The following TET3 variants were observed in gnomAD, a reference collection of about 807,000 sequenced individuals.
TET3 encodes tet methylcytosine dioxygenase 3.
A neutral mutation model predicts 141.4 loss-of-function variants in TET3; 19 were observed. The ratio of observed to expected loss-of-function variants is 0.13; its 90% CI spans 0.09 to 0.20. The LOEUF is 0.20. TET3 is among the 10% of genes least tolerant of loss of function. The pLI is 1.00. For synonymous variants in TET3, 1,043 were observed against 980.9 expected, an observed-to-expected ratio of 1.06 and a Z score of -1.18; for missense variants, 1,874 against 2,356.9, an observed-to-expected ratio of 0.80 and a Z score of 4.24.
intron 2 of TET3, chr2:74,002,787 A>G: frequency 1.8e-6 from 1 of 565,906 alleles, no homozygotes; most frequent in Non-Finnish European, 3.1e-6. Context: ...GATGCACCAG[A>G]GGAGGCCGGC....
intron 5 of TET3, 51 bp from the exon 6 acceptor site, chr2:74,080,447 T>G (rs1030414910): frequency 2.1e-5 from 32 of 1,538,382 alleles, no homozygotes; most frequent in Admixed American, 1.7e-4. Flanking sequence ...CAAAAGTTGT[T>G]CTCCTTTGGG....
intron 3 of TET3, among the ~76,000 whole-genome samples, chr2:74,014,546 C>T (rs1436718679): frequency 6.6e-6 from 1 of 152,106 alleles, no homozygotes; most frequent in East Asian, 1.9e-4. Flanking sequence ...CCACCAGGAC[C>T]TGTGGAATTT....
At chr2:73,992,183 G>A (rs1684360136) in intron 2 of TET3, among the ~76,000 whole-genome samples, 1 of 152,164 alleles carries the variant, frequency 6.6e-6, no homozygotes, top group Non-Finnish European at 1.5e-5. Context: ...GGTCCCTGTG[G>A]TGTCAGAAGA....
chr2:73,989,843 G>A (rs1558689777), intron 2 of TET3, among the ~76,000 whole-genome samples: 1 of 152,134 alleles, frequency 6.6e-6, no homozygotes, highest in African/African-American at 2.4e-5. Flanking sequence ...GGATAGGGCT[G>A]AGAACCCAGA....
chr2:74,031,800 T>TG, intron 3 of TET3, among the ~76,000 whole-genome samples: 1 of 152,206 alleles, frequency 6.6e-6, no homozygotes, highest in African/African-American at 2.4e-5. Context: ...AAGGATTGAG[T>TG]GGGGGCAAAC....
intron 4 of TET3, among the ~76,000 whole-genome samples, chr2:74,055,992 A>T (rs1352368691): frequency 2.0e-5 from 3 of 152,200 alleles, no homozygotes; most frequent in Non-Finnish European, 4.4e-5. Context: ...TAAATTACCC[A>T]GTTTCAGGTA....
At chr2:74,128,700 A>G in the TET3 span, among the ~76,000 whole-genome samples, 2 of 150,082 alleles carry the variant, frequency 1.3e-5, no homozygotes, top group African/African-American at 2.4e-5. Context: ...GACTATTAGA[A>G]AAAAAAAAAG....
chr2:74,017,787 A>G (rs1323154732), intron 3 of TET3, among the ~76,000 whole-genome samples: 1 of 151,916 alleles, frequency 6.6e-6, no homozygotes, highest in Non-Finnish European at 1.5e-5. Flanking sequence ...CGGTAGTTCT[A>G]GTTTTAGTTT....
At chr2:74,123,468 A>G in the TET3 span, among the ~76,000 whole-genome samples, 1 of 152,162 alleles carries the variant, frequency 6.6e-6, no homozygotes, top group Admixed American at 6.5e-5. Flanking sequence ...AATACAAAAA[A>G]CTGGACCCGG....
intron 4 of TET3, among the ~76,000 whole-genome samples, chr2:74,065,035 T>C (rs541502070): frequency 2.6e-5 from 4 of 152,364 alleles, no homozygotes; most frequent in Admixed American, 2.6e-4. Flanking sequence ...TTACTGCATT[T>C]AGCTTATATT....
At chr2:74,061,364 G>C (rs1490234531) in intron 4 of TET3, among the ~76,000 whole-genome samples, 2 of 141,834 alleles carry the variant, frequency 1.4e-5, no homozygotes, top group Non-Finnish European at 3.1e-5. Flanking sequence ...CTGGCCGGGT[G>C]GGGGGCTGAC....
chr2:74,008,753 G>A (rs1685272685), intron 3 of TET3, among the ~76,000 whole-genome samples: 1 of 151,972 alleles, frequency 6.6e-6, no homozygotes, highest in Non-Finnish European at 1.5e-5. Flanking sequence ...CTAGAGGAGA[G>A]TAGGAAGGGA....
upstream of TET3, among the ~76,000 whole-genome samples, chr2:73,984,886 G>A (rs1683917491): frequency 1.4e-5 from 2 of 147,248 alleles, no homozygotes; most frequent in South Asian, 4.2e-4. This position sits in a 1 kb window ranked among gnomAD's most constrained non-coding sequence, Gnocchi z 5.6. Flanking sequence ...GGGCGAGCAC[G>A]TGCCGCGGTG....
intron 4 of TET3, among the ~76,000 whole-genome samples, chr2:74,057,775 G>C (rs908742056): frequency 2.0e-5 from 3 of 152,214 alleles, no homozygotes; most frequent in African/African-American, 7.2e-5. Flanking sequence ...CTAGAGATCA[G>C]CTTCTCCTGT....
At position 74,000,331 on chromosome 2, in the gene TET3, A is replaced by G. The variant is rs184044333; in HGVS notation, c.304-2779A>G. 7.1e-4 allele frequency among the ~76,000 whole-genome samples: 108 copies of G among 152,264 alleles called. 1 individual carries two copies. Among genetic ancestry groups the G allele is most frequent in the Admixed American group, 1.4e-3 (21 of 15,298 alleles). On this transcript the variant is annotated intron_variant, in intron 2 of 11. Coordinates refer to ENST00000409262, the MANE Select transcript of TET3 (RefSeq NM_001287491.2). ...TGCAGAGCCTAGGAAAGTAGGGAAG[A>G]CAGGGCCCCCGCCCACGTGGGAGGA...
At chr2:74,049,506 C>T (rs1687825867) in intron 4 of TET3, among the ~76,000 whole-genome samples, 1 of 152,002 alleles carries the variant, frequency 6.6e-6, no homozygotes, top group South Asian at 2.1e-4. Context: ...TCCACTCGGC[C>T]CCCACACTCT....
In TET3 at chr2:74,093,765, C is replaced by CT. The variant is rs1558788184; in HGVS notation, c.3267+100dup. 2.2e-6 allele frequency: 3 copies of CT among 1,392,572 alleles called. No homozygotes were observed. In the African/African-American group the frequency reaches 4.4e-5, roughly 20 times the overall value. 86.3% of individuals were successfully genotyped at this position (1,392,572 alleles called of 1,614,324 possible). On this transcript the variant is annotated intron_variant, in intron 10 of 11. Coordinates refer to ENST00000409262, the MANE Select transcript of TET3 (RefSeq NM_001287491.2). The surrounding 1 kb of genome is among the most constrained non-coding windows in gnomAD (Gnocchi z 4.2). ...AGGCAGGCTGAGGGTAGGGAGGGAC[C>CT]TGGAGACAGGATCCTCAGAACTCTG... is the stretch of plus-strand genomic sequence containing the variant.
downstream of TET3, among the ~76,000 whole-genome samples, chr2:74,111,074 C>T (rs1307519479): frequency 6.6e-6 from 1 of 152,178 alleles, no homozygotes; most frequent in Non-Finnish European, 1.5e-5. Context: ...CCTCACTGAC[C>T]TCTGTGAAGC....
At chr2:74,006,156 C>G (rs115576886) in intron 3 of TET3, among the ~76,000 whole-genome samples, 2,295 of 152,336 alleles carry the variant, frequency 0.015, 29 homozygotes, top group African/African-American at 0.032. Context: ...CTTCCCACTA[C>G]TTGTTTCTTG....
Sources: gnomAD v4.1 joint callset for allele counts (sites outside exome capture counted in the v4.1 genomes callset) on GRCh38, gnomAD v4.1.1 for gene constraint, Gnocchi (gnomAD v3.1) non-coding constraint, MANE v1.5 for transcripts, NCBI Gene and HGNC (gene_info 2026-07-23, HGNC 2026-07-21) for gene names.